Variants in MOSPD2 observed in about 807,000 individuals in gnomAD.
The protein encoded by MOSPD2 is motile sperm domain containing 2.
MOSPD2 carries 5 observed loss-of-function variants against 41.7 expected under a neutral mutation model. The observed-to-expected ratio is 0.12, with a 90% CI of 0.06 to 0.25. The LOEUF (loss-of-function observed/expected upper bound fraction) is 0.25. Ranked by LOEUF, MOSPD2 falls within the 10% of genes least tolerant of loss-of-function variation. MOSPD2 has a pLI of 1.00. For synonymous variants in MOSPD2, 115 were observed against 126.9 expected (o/e 0.91, Z 0.63); for missense variants, 282 against 375.2 (o/e 0.75, Z 2.05).
At chrX:14,892,017 A>G (rs1330486587) in intron 2 of MOSPD2, among the ~76,000 whole-genome samples, 1 of 112,154 alleles carries the variant, frequency 8.9e-6, no homozygotes, top group African/African-American at 3.2e-5. Context: ...ATGTTGGTGT[A>G]TAGTTTTAGA....
intron 2 of MOSPD2, among the ~76,000 whole-genome samples, chrX:14,889,302 G>A (rs373190709): frequency 8.9e-6 from 1 of 111,890 alleles, no homozygotes; most frequent in Non-Finnish European, 1.9e-5. Flanking sequence ...CTGGTTTTCT[G>A]AAATTTCCAA....
chrX:14,891,893 G>A, intron 2 of MOSPD2, among the ~76,000 whole-genome samples: 1 of 111,128 alleles, frequency 9.0e-6, no homozygotes, highest in Non-Finnish European at 1.9e-5. Context: ...AATGACACTT[G>A]CCAAACAAAT....
chrX:14,903,140 C>T (rs2092575989), intron 7 of MOSPD2, 136 bp downstream of exon 7: 1 of 440,946 alleles, frequency 2.3e-6, no homozygotes, highest in African/African-American at 2.5e-5. Flanking sequence ...GGAGCTAGAA[C>T]ACTCAAAGGC....
intron 1 of MOSPD2, 59 bp downstream of exon 1, chrX:14,873,596 C>G: frequency 2.5e-6 from 3 of 1,209,586 alleles, no homozygotes; most frequent in Non-Finnish European, 3.4e-6. Context: ...CTCTGAGGCC[C>G]GGGGACCGAG....
intron 2 of MOSPD2, among the ~76,000 whole-genome samples, chrX:14,881,762 A>G (rs1026607229): frequency 5.3e-5 from 6 of 112,550 alleles, no homozygotes; most frequent in African/African-American, 1.9e-4. Context: ...TGTCATCATC[A>G]GAATAAGAGG....
At chrX:14,889,508 T>C (rs1433209089) in intron 2 of MOSPD2, among the ~76,000 whole-genome samples, 1 of 109,504 alleles carries the variant, frequency 9.1e-6, no homozygotes, top group African/African-American at 3.3e-5. Flanking sequence ...TGTGTCTCAT[T>C]CTATCTGTCT....
In MOSPD2 at chrX:14,873,549, A is replaced by G. The variant is rs1602017580; in HGVS notation, c.9+12A>G. On this transcript the variant is annotated intron_variant, in intron 1 of 14. Transcript: ENST00000380492. ...TGATCATGGCAGAGGTGAGGAGCCT[A>G]TTGCACCGCCGCTGGCCCCCCGGAC... The G allele has an allele frequency of 8.3e-7, 1 of 1,211,536 alleles. No individual in the cohort carries two copies. The highest frequency in any genetic ancestry group is 1.1e-6 in the Non-Finnish European group (1 of 895,271).
At chrX:14,893,735 G>A (rs2092558081) in intron 3 of MOSPD2, among the ~76,000 whole-genome samples, 1 of 112,250 alleles carries the variant, frequency 8.9e-6, no homozygotes, top group South Asian at 3.6e-4. Flanking sequence ...CCCTGAAAGG[G>A]GGATTAGTAA....
chrX:14,877,801 GTC>G (rs1178793764), intron 2 of MOSPD2, among the ~76,000 whole-genome samples: 5 of 104,760 alleles, frequency 4.8e-5, no homozygotes, highest in Non-Finnish European at 9.8e-5. Context: ...GTGAAACCCT[GTC>G]TCTGCTAAAA....
chrX:14,903,224 C>G (rs1346563360), intron 7 of MOSPD2, among the ~76,000 whole-genome samples: 1 of 111,018 alleles, frequency 9.0e-6, no homozygotes, highest in Non-Finnish European at 1.9e-5. Context: ...TTAAAAACAG[C>G]CTTGCCAGGC....
chrX:14,889,584 C>T (rs1013187427), intron 2 of MOSPD2, among the ~76,000 whole-genome samples: 8 of 108,136 alleles, frequency 7.4e-5, no homozygotes, highest in Middle Eastern at 4.7e-3. Flanking sequence ...TCTGCCTCTA[C>T]TTTTCTCCTG....
At chrX:14,911,679 G>A (rs1447266821) in intron 9 of MOSPD2, among the ~76,000 whole-genome samples, 1 of 111,848 alleles carries the variant, frequency 8.9e-6, no homozygotes, top group African/African-American at 3.2e-5. Flanking sequence ...CTTGAGCACC[G>A]GAGTTTGAGA....
chrX:14,895,321 C>T lies in MOSPD2; in HGVS notation c.249C>T (p.Ser83=). The T allele has an allele frequency of 8.6e-7, 1 of 1,164,094 alleles. No homozygotes were observed. Among genetic ancestry groups the T allele is most frequent in the Non-Finnish European group, 1.2e-6 (1 of 855,020 alleles). The change falls in exon 4 of 15, where the codon TCC becomes TCT. Residue 83 remains serine, a synonymous_variant. Coordinates refer to ENST00000380492, the MANE Select transcript of MOSPD2 (RefSeq NM_152581.4). ...KEISVNDLNE[S]SIPRWLLEIG... The stretch of plus-strand genomic sequence containing the variant: ...ACCACTTTTTAGACCTTAATGAATC[C>T]TCCATTCCCAGATGGTTATTGGAAA...
At chrX:14,911,753 G>A (rs6628612) in intron 9 of MOSPD2, among the ~76,000 whole-genome samples, 6,466 of 111,222 alleles carry the variant, frequency 0.058, 379 homozygotes, top group African/African-American at 0.18. Context: ...CAGATGTGAT[G>A]GTGCACACCT....
intron 11 of MOSPD2, among the ~76,000 whole-genome samples, chrX:14,914,905 A>G (rs1024171423): frequency 1.8e-5 from 2 of 112,168 alleles, no homozygotes; most frequent in African/African-American, 3.2e-5. Context: ...CTATGTGAAT[A>G]ATTTAATTTA....
chrX:14,874,025 A>C (rs1299866047), intron 2 of MOSPD2: 3 of 385,451 alleles, frequency 7.8e-6, no homozygotes, highest in Non-Finnish European at 1.4e-5. Flanking sequence ...GTGTTTATGG[A>C]ACTTGCAGGA....
rs145554913 is a variant in MOSPD2, at chrX:14,914,985, G to A, written c.1089+386G>A. ...CCCCAAGTGTGGTATATTCTGGAGTGTAGTTTATATCGGATATTAACCTGA... is the reference window on the plus strand; with the variant it reads ...CCCCAAGTGTGGTATATTCTGGAGTATAGTTTATATCGGATATTAACCTGA... On this transcript the variant is annotated intron_variant, in intron 11 of 14. Transcript: ENST00000380492. Among the ~76,000 whole-genome samples, 470 of 111,811 alleles carry A rather than the reference G, an allele frequency of 4.2e-3. 6 individuals are homozygous for A. The highest frequency in any genetic ancestry group is 0.014 in the African/African-American group (433 of 30,793).
chrX:14,916,161 C>A, intron 12 of MOSPD2, 36 bp from the exon 13 acceptor site: 1 of 1,210,231 alleles, frequency 8.3e-7, no homozygotes, highest in Non-Finnish European at 1.1e-6. Flanking sequence ...TTTGAAGGTT[C>A]CTGTTTATAT....
At chrX:14,888,623 AAAC>A (rs1240591289) in intron 2 of MOSPD2, among the ~76,000 whole-genome samples, 5 of 111,382 alleles carry the variant, frequency 4.5e-5, no homozygotes, top group Non-Finnish European at 7.5e-5. Flanking sequence ...GCTATTATGA[AAAC>A]AGACTAACAC....
Sources: allele counts gnomAD v4.1 joint callset (sites outside exome capture counted in the v4.1 genomes callset), GRCh38; gene constraint gnomAD v4.1.1; transcripts MANE v1.5; gene names NCBI Gene and HGNC (gene_info 2026-07-23, HGNC 2026-07-21).